PCLO: variants seen among roughly 807,000 people sequenced by gnomAD.
PCLO encodes the protein piccolo presynaptic cytomatrix protein.
A neutral mutation model predicts 427.5 loss-of-function variants in PCLO; 82 were observed. The observed-to-expected ratio is 0.19, with a 90% CI of 0.16 to 0.23. The LOEUF (loss-of-function observed/expected upper bound fraction) is 0.23. Ranked by LOEUF, PCLO falls within the 10% of genes least tolerant of loss-of-function variation. PCLO has a pLI of 1.00. For synonymous variants in PCLO, 2,357 were observed against 2,155.4 expected (o/e 1.09, Z -2.59); for missense variants, 6,239 against 6,115.9 (o/e 1.02, Z -0.67).
chr7:82,954,168 A>G lies in PCLO; in HGVS notation c.6785T>C (p.Ile2262Thr). 2 of 1,613,872 alleles carry G rather than the reference A, an allele frequency of 1.2e-6. No individual in the cohort carries two copies. Residue 2262 changes from isoleucine (I) to threonine (T), a missense_variant, in exon 5 of 25, where the codon ATT becomes ACT. Coordinates refer to ENST00000333891, the MANE Select transcript of PCLO (RefSeq NM_033026.6). The stretch of plus-strand genomic sequence containing the variant: ...TGCCATATCAGATAAGGAAATAACA[A>G]TATGATCAGCACTAGCTCTACCATC... ...PPDGRASADH[I>T]VISLSDMASS...
chr7:83,093,477 G>GAT (rs766623004), intron 3 of PCLO, among the ~76,000 whole-genome samples: 51 of 92,174 alleles, frequency 5.5e-4, no homozygotes, highest in African/African-American at 1.4e-3. Flanking sequence ...TGTGTGTATA[G>GAT]ATATATATAT....
At chr7:83,080,374 C>A (rs560363644) in intron 3 of PCLO, among the ~76,000 whole-genome samples, 1 of 152,268 alleles carries the variant, frequency 6.6e-6, no homozygotes, top group South Asian at 2.1e-4. Flanking sequence ...CATAACCTCA[C>A]CAGCACCTGT....
intron 20 of PCLO, among the ~76,000 whole-genome samples, chr7:82,815,182 T>C (rs1425385872): frequency 6.6e-6 from 1 of 152,038 alleles, no homozygotes; most frequent in Non-Finnish European, 1.5e-5. Flanking sequence ...ATCTTGTCTA[T>C]TTTTGGTTAA....
intron 6 of PCLO, among the ~76,000 whole-genome samples, chr7:82,934,128 T>C (rs1282419098): frequency 1.3e-5 from 2 of 151,904 alleles, no homozygotes; most frequent in African/African-American, 4.8e-5. Flanking sequence ...ATGGGCAAAA[T>C]TATTTAGAAT....
At chr7:82,772,443 G>A (rs1423441385) in intron 22 of PCLO, among the ~76,000 whole-genome samples, 2 of 152,068 alleles carry the variant, frequency 1.3e-5, no homozygotes, top group Non-Finnish European at 2.9e-5. Context: ...CTAAGTGGGG[G>A]CTGAGGGAAG....
intron 3 of PCLO, among the ~76,000 whole-genome samples, chr7:83,066,913 C>G (rs1789683901): frequency 6.6e-6 from 1 of 152,108 alleles, no homozygotes; most frequent in Non-Finnish European, 1.5e-5. Context: ...ATATCCTCAA[C>G]CTGAAAATCC....
At chr7:82,794,170 G>A (rs549795669) in intron 22 of PCLO, among the ~76,000 whole-genome samples, 2 of 151,830 alleles carry the variant, frequency 1.3e-5, no homozygotes, top group East Asian at 1.9e-4. Context: ...TCTTCTCTAC[G>A]TTTTCTGTTT....
At chr7:83,122,078 A>G (rs1791294723) in intron 3 of PCLO, among the ~76,000 whole-genome samples, 1 of 152,156 alleles carries the variant, frequency 6.6e-6, no homozygotes, top group Non-Finnish European at 1.5e-5. Flanking sequence ...TTTAACTGAT[A>G]CTGAAAAAAG....
intron 1 of PCLO, among the ~76,000 whole-genome samples, chr7:83,158,546 A>G (rs1436812755): frequency 6.6e-6 from 1 of 151,926 alleles, no homozygotes; most frequent in East Asian, 1.9e-4. Context: ...CCTTAATTAT[A>G]CTAAATTCTT....
intron 10 of PCLO, chr7:82,848,895 C>A: frequency 2.5e-6 from 1 of 407,746 alleles, no homozygotes; most frequent in Non-Finnish European, 5.0e-6. Flanking sequence ...TTCAGATGGG[C>A]CTTAGGTTTA....
chr7:82,820,478 T>G (rs1311100762), intron 20 of PCLO: 1 of 1,183,494 alleles, frequency 8.4e-7, no homozygotes, highest in Non-Finnish European at 1.0e-6. Flanking sequence ...ACCCAGTAGT[T>G]TATGAATGAA....
intron 18 of PCLO, 102 bp downstream of exon 18, chr7:82,826,487 C>A: frequency 1.5e-6 from 1 of 663,766 alleles, no homozygotes; most frequent in Non-Finnish European, 2.5e-6. Context: ...AGATTTTTTT[C>A]AGAAACGGCT....
chr7:83,079,297 T>C (rs1790035592), intron 3 of PCLO, among the ~76,000 whole-genome samples: 1 of 152,154 alleles, frequency 6.6e-6, no homozygotes, highest in African/African-American at 2.4e-5. Flanking sequence ...GTATGGCCTA[T>C]AAAAATAAGC....
At chr7:83,117,523 A>G (rs149566420) in intron 3 of PCLO, among the ~76,000 whole-genome samples, 53 of 152,342 alleles carry the variant, frequency 3.5e-4, no homozygotes, top group African/African-American at 1.1e-3. Flanking sequence ...TGCAACAGGC[A>G]GCCTCAAGAG....
Position 82,916,295 on chromosome 7 carries a change from G to A in PCLO, c.11691C>T (p.Thr3897=), listed in dbSNP as rs114724116. The A allele has an allele frequency of 5.4e-4, 871 of 1,613,562 alleles. 3 individuals are homozygous for A. In the African/African-American group the frequency reaches 0.01, roughly 19 times the overall value. Residue 3897 remains threonine, a synonymous_variant, in exon 7 of 25, where the codon ACC becomes ACT. Transcript: ENST00000333891. The part of the protein sequence containing the change: ...QYQYSSPALP[T]QAPTSYTQQS... ...GTTGAGTGTATGAGGTGGGTGCTTG[G>A]GTAGGAAGAGCAGGGGAAGAGTACT... is the stretch of plus-strand genomic sequence containing the variant.
chr7:83,153,574 T>G (rs574829618), intron 2 of PCLO, among the ~76,000 whole-genome samples: 2 of 152,224 alleles, frequency 1.3e-5, no homozygotes, highest in Non-Finnish European at 2.9e-5. Context: ...CTGTGTTACT[T>G]CCTGGGCTGT....
At chr7:82,782,735 T>A (rs1285280635) in intron 22 of PCLO, among the ~76,000 whole-genome samples, 1 of 152,246 alleles carries the variant, frequency 6.6e-6, no homozygotes, top group Admixed American at 6.5e-5. Context: ...GTTATGTTTT[T>A]CATTTCAAGC....
intron 3 of PCLO, among the ~76,000 whole-genome samples, chr7:83,070,379 C>T (rs1043573319): frequency 1.2e-4 from 18 of 144,982 alleles, no homozygotes; most frequent in Admixed American, 4.4e-4. Flanking sequence ...TGCTCTTCTA[C>T]GTTTTGTGGT....
At chr7:83,038,037 A>ATATATATATATC (rs1313000516) in intron 3 of PCLO, among the ~76,000 whole-genome samples, 3 of 33,822 alleles carry the variant, frequency 8.9e-5, no homozygotes, top group African/African-American at 4.0e-4. Context: ...ATATTTATAT[A>ATATATATATATC]TTTATATATA....
Sources: allele counts gnomAD v4.1 joint callset (sites outside exome capture counted in the v4.1 genomes callset), GRCh38; gene constraint gnomAD v4.1.1; transcripts MANE v1.5; gene names NCBI Gene and HGNC (gene_info 2026-07-23, HGNC 2026-07-21).